KIAA0513: variants seen among roughly 807,000 people sequenced by gnomAD.
KIAA0513 encodes the protein KIAA0513.
In KIAA0513, 39 loss-of-function variants were observed where a neutral mutation model predicts 56.5. That is an observed-to-expected ratio of 0.69 (90% CI 0.53 to 0.90). The LOEUF (loss-of-function observed/expected upper bound fraction) is 0.90. KIAA0513 is among the 40% of genes least tolerant of loss of function. The pLI is 0.00. For synonymous variants in KIAA0513, 268 were observed against 215.6 expected, an observed-to-expected ratio of 1.24 and a Z score of -2.13; for missense variants, 591 against 535.2, an observed-to-expected ratio of 1.10 and a Z score of -1.03.
At chr16:85,078,775 A>G (rs2073697518) in intron 7 of KIAA0513, 150 bp from the exon 8 acceptor site, 1 of 813,558 alleles carries the variant, frequency 1.2e-6, no homozygotes, top group Non-Finnish European at 2.0e-6. Flanking sequence ...GTTACTGGCT[A>G]TGGCTAGCAG....
intron 11 of KIAA0513, 46 bp downstream of exon 11, chr16:85,086,770 CA>C: frequency 1.3e-6 from 2 of 1,526,084 alleles, no homozygotes; most frequent in Non-Finnish European, 1.8e-6. Flanking sequence ...GGGGAGGGCC[CA>C]CCCTGTGAGC....
At chr16:85,077,297 C>T (rs12597000) in intron 5 of KIAA0513, 128 bp from the exon 6 acceptor site, 13 of 835,098 alleles carry the variant, frequency 1.6e-5, no homozygotes, top group Admixed American at 1.1e-4. Flanking sequence ...CCCCTGTCCT[C>T]GGCTGAGGAG....
At position 85,076,827 on chromosome 16, in the gene KIAA0513, A is replaced by C. The variant is rs1469246223; in HGVS notation, c.575-598A>C. The stretch of plus-strand genomic sequence containing the variant: ...TGAAGAACGGATAGACACATAATGA[A>C]TAGACACTGCTTCCTGAGACAGGGC... On this transcript the variant is annotated intron_variant, in intron 5 of 12. Transcript: ENST00000683363. The surrounding 1 kb of genome is among the most constrained non-coding windows in gnomAD (Gnocchi z 4.7). Among the ~76,000 whole-genome samples the C allele has an allele frequency of 2.0e-5, 3 of 152,162 alleles. No individual in the cohort carries two copies. The highest frequency in any genetic ancestry group is 7.2e-5 in the African/African-American group (3 of 41,428).
Position 85,081,277 on chromosome 16 carries a change from C to T in KIAA0513, c.903-38C>T, listed in dbSNP as rs747518357. 1.9e-5 allele frequency: 31 copies of T among 1,602,954 alleles called. No individual in the cohort carries two copies. Among genetic ancestry groups the T allele is most frequent in the African/African-American group, 5.4e-5 (4 of 74,690 alleles). The stretch of plus-strand genomic sequence containing the variant: ...CCCACAACCCGTGTCCTCCCCGCCT[C>T]CCCTTGGAGAGAGTGTGACTGGGGC... On this transcript the variant is annotated intron_variant, in intron 8 of 12. Transcript: ENST00000683363. This position sits in a 1 kb window ranked among gnomAD's most constrained non-coding sequence, Gnocchi z 4.4.
At chr16:85,038,249 C>G (rs1017375338) in intron 1 of KIAA0513, among the ~76,000 whole-genome samples, 2 of 152,222 alleles carry the variant, frequency 1.3e-5, no homozygotes, top group African/African-American at 4.8e-5. Context: ...CCCACGGCCT[C>G]TGGATCATAG....
rs979124848 is a variant in KIAA0513, at chr16:85,092,036, G to C, written c.*3711G>C. On this transcript the variant is annotated 3_prime_UTR_variant, in exon 13 of 13. Coordinates refer to ENST00000683363, the MANE Select transcript of KIAA0513 (RefSeq NM_001388359.1). ...CTACTCACTGCAACCTCCACCTCCC[G>C]GGTTCAAGCAATTCTCCTGCCTCAG... 1 of 151,242 alleles carries C rather than the reference G, an allele frequency of 6.6e-6. No individual in the cohort carries two copies. The highest frequency in any genetic ancestry group is 6.6e-5 in the Admixed American group (1 of 15,140). The allele number at this position is 151,242 out of a possible 1,614,324, so 9.4% of individuals were successfully genotyped here.
At chr16:85,042,437 AG>A (rs2073116166) in intron 1 of KIAA0513, among the ~76,000 whole-genome samples, 2 of 152,208 alleles carry the variant, frequency 1.3e-5, no homozygotes, top group Admixed American at 6.5e-5. Context: ...AATAGGGGGC[AG>A]GGTCCTTGTC....
chr16:85,072,845 G>C, intron 3 of KIAA0513, 80 bp from the exon 4 acceptor site: 1 of 1,352,828 alleles, frequency 7.4e-7, no homozygotes, highest in East Asian at 2.3e-5. Flanking sequence ...GAAACACTGA[G>C]AGTGCAAAGC....
chr16:85,031,206 T>C (rs1408158569), intron 1 of KIAA0513, among the ~76,000 whole-genome samples: 3 of 152,008 alleles, frequency 2.0e-5, no homozygotes, highest in African/African-American at 7.2e-5. Flanking sequence ...CTTGGCTGGG[T>C]GTGGTGGCTA....
intron 1 of KIAA0513, among the ~76,000 whole-genome samples, chr16:85,048,983 G>A (rs925657617): frequency 1.3e-5 from 2 of 152,212 alleles, no homozygotes; most frequent in Non-Finnish European, 2.9e-5. Flanking sequence ...GTGTGAGAGG[G>A]AGAGGGAGGG....
At position 85,090,890 on chromosome 16, in the gene KIAA0513, T is replaced by C; in HGVS notation, c.*2565T>C. On this transcript the variant is annotated 3_prime_UTR_variant, in exon 13 of 13. Coordinates refer to ENST00000683363, the MANE Select transcript of KIAA0513 (RefSeq NM_001388359.1). ...CCACCTGCCACCAAGGTTTCCTCTC[T>C]TCCCCCAGGACCTGGGCAGAGCAGG... 1.3e-5 allele frequency: 2 copies of C among 152,412 alleles called. No individual in the cohort carries two copies. Among genetic ancestry groups the C allele is most frequent in the East Asian group, 1.9e-4 (1 of 5,194 alleles). The allele number at this position is 152,412 out of a possible 1,614,324, so 9.4% of individuals were successfully genotyped here.
intron 1 of KIAA0513, among the ~76,000 whole-genome samples, chr16:85,043,494 C>A (rs1043310125): frequency 3.3e-5 from 5 of 149,714 alleles, no homozygotes; most frequent in African/African-American, 1.2e-4. Context: ...TCACTGCAAC[C>A]TCTGCCTCCT....
At chr16:85,042,482 C>G (rs2073116867) in intron 1 of KIAA0513, among the ~76,000 whole-genome samples, 1 of 152,132 alleles carries the variant, frequency 6.6e-6, no homozygotes, top group South Asian at 2.1e-4. Flanking sequence ...GTGGACTCCC[C>G]CTCTGCTTGG....
At chr16:85,042,738 C>G (rs1367379352) in intron 1 of KIAA0513, among the ~76,000 whole-genome samples, 2 of 152,074 alleles carry the variant, frequency 1.3e-5, no homozygotes, top group Non-Finnish European at 2.9e-5. Context: ...AAAGAATAGT[C>G]CAGACCAGCA....
chr16:85,044,397 GA>G (rs916191987), intron 1 of KIAA0513, among the ~76,000 whole-genome samples: 2 of 152,200 alleles, frequency 1.3e-5, no homozygotes, highest in African/African-American at 4.8e-5. Flanking sequence ...CCCAGAGGGG[GA>G]CACGTTGACA....
chr16:85,041,845 G>A (rs1047859133), intron 1 of KIAA0513, among the ~76,000 whole-genome samples: 2 of 152,126 alleles, frequency 1.3e-5, no homozygotes, highest in African/African-American at 2.4e-5. Flanking sequence ...GGAAACCACC[G>A]CCTGACTTTG....
chr16:85,050,520 TG>T (rs548976976), intron 1 of KIAA0513, among the ~76,000 whole-genome samples: 160 of 152,156 alleles, frequency 1.1e-3, no homozygotes, highest in African/African-American at 3.8e-3. Flanking sequence ...TTCACCATGT[TG>T]GCCAGGCTGG....
In KIAA0513 at chr16:85,051,913, C is replaced by T. The variant is rs1364273020; in HGVS notation, c.-172-14987C>T. The stretch of plus-strand genomic sequence containing the variant: ...AAGTGACCCTCCAGCCTCAGCCTCC[C>T]AAAGTGCTGGGATTACAGGCATAAG... On this transcript the variant is annotated intron_variant, in intron 1 of 12. Coordinates refer to ENST00000683363, the MANE Select transcript of KIAA0513 (RefSeq NM_001388359.1). Among the ~76,000 whole-genome samples, 8 of 151,934 alleles carry T rather than the reference C, an allele frequency of 5.3e-5. No individual in the cohort carries two copies. The East Asian group carries it at 1.4e-3, about 26-fold the overall frequency.
In KIAA0513 at chr16:85,076,793, C is replaced by T. The variant is rs949820977; in HGVS notation, c.575-632C>T. ...GAACCCCCCAGTACAACCTGTGGCT[C>T]CTCCTTTTTGAAGAACGGATAGACA... On this transcript the variant is annotated intron_variant, in intron 5 of 12. Transcript: ENST00000683363. The surrounding 1 kb of genome is among the most constrained non-coding windows in gnomAD (Gnocchi z 4.7). Among the ~76,000 whole-genome samples the T allele has an allele frequency of 6.6e-6, 1 of 152,138 alleles. No individual in the cohort carries two copies. The highest frequency in any genetic ancestry group is 2.4e-5 in the African/African-American group (1 of 41,430).
Sources: gnomAD v4.1 joint callset for allele counts (sites outside exome capture counted in the v4.1 genomes callset) on GRCh38, gnomAD v4.1.1 for gene constraint, Gnocchi (gnomAD v3.1) non-coding constraint, MANE v1.5 for transcripts, NCBI Gene and HGNC (gene_info 2026-07-23, HGNC 2026-07-21) for gene names.